TRMT1L: variants seen among roughly 807,000 people sequenced by gnomAD.
The protein encoded by TRMT1L is tRNA methyltransferase 1L.
Under a neutral mutation model 81.6 loss-of-function variants are expected in TRMT1L, and 28 were observed. The observed-to-expected ratio is 0.34, with a 90% confidence interval of 0.25 to 0.47. The LOEUF (loss-of-function observed/expected upper bound fraction) is 0.47, where lower values mean the gene tolerates loss of function less well. Among genes scored for constraint, TRMT1L ranks in the 20% least tolerant of loss-of-function variants. The pLI is 1.00. For missense variants in TRMT1L, 739 were observed against 877.1 expected (o/e 0.84, Z 1.99); for synonymous variants, 301 against 303.2 (o/e 0.99, Z 0.07).
At position 185,118,148 on chromosome 1, in the gene TRMT1L, C is replaced by CAACA. The variant is rs1272793187; in HGVS notation, c.*1867_*1870dup. The CAACA allele has an allele frequency of 6.6e-6, 1 of 152,276 alleles. No individual in the cohort carries two copies. Among genetic ancestry groups the CAACA allele is most frequent in the East Asian group, 1.9e-4 (1 of 5,190 alleles). 9.4% of individuals were successfully genotyped at this position (152,276 alleles called of 1,614,324 possible). ...AAAGGATACAACTGATGCTACTTTACAACATGATAAACATTTGCAATGTCC... is the reference window on the plus strand; with the variant it reads ...AAAGGATACAACTGATGCTACTTTACAACAAACATGATAAACATTTGCAATGTCC... On this transcript the variant is annotated 3_prime_UTR_variant, in exon 15 of 15. Coordinates refer to ENST00000367506, the MANE Select transcript of TRMT1L (RefSeq NM_030934.5).
chr1:185,144,724 T>A (rs1653141085), intron 5 of TRMT1L, among the ~76,000 whole-genome samples: 2 of 151,990 alleles, frequency 1.3e-5, no homozygotes, highest in South Asian at 4.1e-4. Context: ...ACAGTCGGAA[T>A]GTTAACTAAA....
At chr1:185,157,441 C>T, upstream of TRMT1L, 1 of 152,042 alleles carries the variant, frequency 6.6e-6, no homozygotes, top group Non-Finnish European at 1.5e-5. Context: ...CTGGGCGGGG[C>T]GACTCTGTGG....
intron 7 of TRMT1L, 127 bp from the exon 8 acceptor site, chr1:185,140,349 T>C (rs976343016): frequency 3.5e-5 from 29 of 834,288 alleles, no homozygotes; most frequent in South Asian, 3.3e-4. Context: ...ATGAATCTTA[T>C]TCCTTCTTAC....
rs1326563972 is a variant in TRMT1L at position 185,140,055 on chromosome 1, C to T, written c.1027G>A (p.Glu343Lys). Residue 343 changes from glutamate to lysine, a missense_variant, in exon 8 of 15, where the codon GAA (glutamate) becomes AAA (lysine). Coordinates refer to ENST00000367506, the MANE Select transcript of TRMT1L (RefSeq NM_030934.5). ...ATATTACCAAGATTTTTCTCTCCTTCTTCAAGAATATCATCACTCTTTTCC... is the reference window on the plus strand; with the variant it reads ...ATATTACCAAGATTTTTCTCTCCTTTTTCAAGAATATCATCACTCTTTTCC... The part of the protein sequence containing the change: ...EKEKSDDILE[E>K]GEKNLGNIKV... 1 of 1,613,740 alleles carries T rather than the reference C, an allele frequency of 6.2e-7. No individual in the cohort carries two copies. The highest frequency in any genetic ancestry group is 1.7e-5 in the Admixed American group (1 of 60,020).
At chr1:185,122,186 T>C (rs748828692) in intron 13 of TRMT1L, among the ~76,000 whole-genome samples, 2 of 152,202 alleles carry the variant, frequency 1.3e-5, no homozygotes, top group Admixed American at 6.5e-5. Context: ...AGTCCATTGA[T>C]GATGGGCACC....
At chr1:185,127,950 A>C (rs1462087631) in intron 11 of TRMT1L, among the ~76,000 whole-genome samples, 1 of 151,412 alleles carries the variant, frequency 6.6e-6, no homozygotes, top group Non-Finnish European at 1.5e-5. Context: ...CCAGTCTCTA[A>C]TGAAAGTACA....
In TRMT1L at chr1:185,143,363, C is replaced by A; in HGVS notation, c.853G>T (p.Ala285Ser). The A allele has an allele frequency of 6.2e-7, 1 of 1,600,744 alleles. No individual in the cohort carries two copies. Among genetic ancestry groups the A allele is most frequent in the Non-Finnish European group, 8.5e-7 (1 of 1,173,240 alleles). Residue 285 changes from alanine (A) to serine (S), a missense_variant, in exon 7 of 15, where the codon GCC (alanine) becomes TCC (serine). Ala to Ser is a moderately conservative substitution (Grantham distance 99). Coordinates refer to ENST00000367506, the MANE Select transcript of TRMT1L (RefSeq NM_030934.5). ...KPLECLDAFG[A>S]TGIMGLQWAK... Reference sequence around the variant, plus strand: ...AAAAAGTGTCCTCACTTACCAGTGGCTCCAAAAGCATCTAGACATTCCAAA... The same window carrying A: ...AAAAAGTGTCCTCACTTACCAGTGGATCCAAAAGCATCTAGACATTCCAAA...
intron 10 of TRMT1L, among the ~76,000 whole-genome samples, chr1:185,134,754 C>G (rs1009865524): frequency 6.6e-6 from 1 of 152,140 alleles, no homozygotes; most frequent in Non-Finnish European, 1.5e-5. Context: ...ATTGGACATG[C>G]TTTGGGCAAA....
chr1:185,145,843 G>C (rs778823786), intron 4 of TRMT1L, among the ~76,000 whole-genome samples: 2 of 151,848 alleles, frequency 1.3e-5, no homozygotes, highest in Non-Finnish European at 2.9e-5. Context: ...ATTTAAAAAT[G>C]GTGTAATGTT....
intron 1 of TRMT1L, among the ~76,000 whole-genome samples, chr1:185,153,376 TAGAAGG>T (rs1653413495): frequency 6.6e-6 from 1 of 151,924 alleles, no homozygotes; most frequent in African/African-American, 2.4e-5. Flanking sequence ...AAAAATTAAG[TAGAAGG>T]AATCAGGAAT....
At chr1:185,153,147 A>G (rs1010400490) in intron 1 of TRMT1L, among the ~76,000 whole-genome samples, 2 of 152,216 alleles carry the variant, frequency 1.3e-5, no homozygotes, top group Non-Finnish European at 2.9e-5. Flanking sequence ...CAATCATTAC[A>G]TATTTGTCCC....
intron 4 of TRMT1L, among the ~76,000 whole-genome samples, chr1:185,146,669 T>C (rs1161423393): frequency 1.3e-5 from 2 of 152,094 alleles, no homozygotes; most frequent in Non-Finnish European, 2.9e-5. Flanking sequence ...TAAAAAATTT[T>C]ATAGTTTGTA....
At chr1:185,136,502 T>C (rs1341106938) in intron 10 of TRMT1L, among the ~76,000 whole-genome samples, 1 of 152,198 alleles carries the variant, frequency 6.6e-6, no homozygotes, top group Non-Finnish European at 1.5e-5. Flanking sequence ...GTTAACATTA[T>C]ACTAAAGTAC....
chr1:185,125,606 G>A (rs1652604698), intron 11 of TRMT1L, among the ~76,000 whole-genome samples: 1 of 152,102 alleles, frequency 6.6e-6, no homozygotes, highest in South Asian at 2.1e-4. Context: ...GTGATGAAGA[G>A]GGGTAAAAGA....
intron 1 of TRMT1L, among the ~76,000 whole-genome samples, chr1:185,154,857 GA>G (rs1361614975): frequency 6.6e-6 from 1 of 152,176 alleles, no homozygotes; most frequent in Admixed American, 6.5e-5. Context: ...TATTAATCCA[GA>G]AGTCAACAGG....
chr1:185,139,293 A>T, intron 9 of TRMT1L, 74 bp downstream of exon 9: 1 of 1,224,128 alleles, frequency 8.2e-7, no homozygotes, highest in Non-Finnish European at 1.2e-6. Context: ...TGAATAAGGT[A>T]AGTACTTCTT....
At position 185,119,818 on chromosome 1, in the gene TRMT1L, G is replaced by A; in HGVS notation, c.*201C>T. 1.9e-6 allele frequency: 1 copy of A among 521,240 alleles called. No individual in the cohort carries two copies. The highest frequency in any genetic ancestry group is 3.2e-6 in the Non-Finnish European group (1 of 315,022). The allele number at this position is 521,240 out of a possible 1,614,324, so 32.3% of individuals were successfully genotyped here. A position where few individuals can be genotyped will look rare whatever the true frequency, so the allele number is the denominator to read the frequency against. On this transcript the variant is annotated 3_prime_UTR_variant, in exon 15 of 15. Coordinates refer to ENST00000367506, the MANE Select transcript of TRMT1L (RefSeq NM_030934.5). ...TGAAATGTTTCCATTAAAATTTTAA[G>A]TTTGCCTTAAAACAAAAAAAAACTT...
chr1:185,149,859 A>G (rs1653292985), intron 3 of TRMT1L, among the ~76,000 whole-genome samples: 1 of 151,302 alleles, frequency 6.6e-6, no homozygotes, highest in South Asian at 2.1e-4. Context: ...CATTTTTATC[A>G]TGATTATAAT....
At chr1:185,147,388 T>C in intron 3 of TRMT1L, 142 bp from the exon 4 acceptor site, 1 of 626,484 alleles carries the variant, frequency 1.6e-6, no homozygotes, top group South Asian at 2.1e-5. Context: ...ATTGCTTTAG[T>C]TTATACAATT....
Sources: gnomAD v4.1 joint callset for allele counts (sites outside exome capture counted in the v4.1 genomes callset) on GRCh38, gnomAD v4.1.1 for gene constraint, MANE v1.5 for transcripts, NCBI Gene and HGNC (gene_info 2026-07-23, HGNC 2026-07-21) for gene names.